Variants in YWHAZ observed in about 807,000 individuals in gnomAD.
The protein encoded by YWHAZ is tyrosine 3-monooxygenase/tryptophan 5-monooxygenase activation protein zeta.
For synonymous variants in YWHAZ, 87 were observed against 103.6 expected (o/e 0.84, Z 0.97); for missense variants, 79 against 284.8 (o/e 0.28, Z 5.20).
chr8:100,934,781 T>A (rs1255388333), intron 2 of YWHAZ: 1 of 152,146 alleles, frequency 6.6e-6, no homozygotes, highest in African/African-American at 2.4e-5. Context: ...AAGTATATGA[T>A]CCTTATTCTT....
chr8:100,930,408 T>TA (rs1429814325), intron 2 of YWHAZ, among the ~76,000 whole-genome samples: 1 of 152,222 alleles, frequency 6.6e-6, no homozygotes, highest in Non-Finnish European at 1.5e-5. Flanking sequence ...ACTCCAACTG[T>TA]AAAACAAGGG....
Position 100,918,373 on chromosome 8 carries a change from CCA to C in YWHAZ, c.*2318_*2319del, listed in dbSNP as rs1812793384. ...AAAAAAAAAAACAACAAAAAAATTC[CCA>C]CCTCTTCAGTCTAGCTATAAAATAT... On this transcript the variant is annotated 3_prime_UTR_variant, in exon 6 of 6. Coordinates refer to ENST00000395958, the MANE Select transcript of YWHAZ (RefSeq NM_145690.3). The C allele has an allele frequency of 8.4e-6, 1 of 118,688 alleles. No individual in the cohort carries two copies. The highest frequency in any genetic ancestry group is 9.9e-5 in the Admixed American group (1 of 10,080). 7.4% of individuals were successfully genotyped at this position (118,688 alleles called of 1,614,324 possible). A position where few individuals can be genotyped will look rare whatever the true frequency, so the allele number is the denominator to read the frequency against.
At chr8:100,921,948 T>A (rs548646941) in intron 5 of YWHAZ, among the ~76,000 whole-genome samples, 2 of 152,348 alleles carry the variant, frequency 1.3e-5, no homozygotes, top group Middle Eastern at 6.8e-3. Context: ...TTATTATTTT[T>A]ATATTCCCCA....
At chr8:100,936,761 C>T (rs958374009) in intron 2 of YWHAZ, among the ~76,000 whole-genome samples, 20 of 152,060 alleles carry the variant, frequency 1.3e-4, no homozygotes, top group African/African-American at 4.6e-4. Flanking sequence ...CAGGATAGCT[C>T]GCCACTGAAG....
rs1810488375 is a variant in YWHAZ at position 100,948,719 on chromosome 8, T to G, written c.171A>C (p.Ser57=). 2.5e-6 allele frequency: 4 copies of G among 1,600,596 alleles called. No individual in the cohort carries two copies. The South Asian group carries it at 3.3e-5, about 13-fold the overall frequency. The part of the protein sequence containing the change: ...AYKNVVGARR[S]SWRVVSSIEQ... Reference sequence around the variant, plus strand: ...CAATACTTGAGACGACCCTCCAAGATGACCTACGGGCTCCTACAACATTTT... The same window carrying G: ...CAATACTTGAGACGACCCTCCAAGAGGACCTACGGGCTCCTACAACATTTT... The change falls in exon 2 of 6, where the codon TCA becomes TCC. Residue 57 remains serine (S), a synonymous_variant. Transcript: ENST00000395958. The surrounding 1 kb of genome is among the most constrained non-coding windows in gnomAD (Gnocchi z 4.2).
chr8:100,949,546 G>A, intron 1 of YWHAZ, among the ~76,000 whole-genome samples: 1 of 151,976 alleles, frequency 6.6e-6, no homozygotes, highest in East Asian at 1.9e-4. Context: ...CCACCACAAA[G>A]GATCAATATC....
chr8:100,936,495 A>C (rs1814156139), intron 2 of YWHAZ, among the ~76,000 whole-genome samples: 1 of 152,120 alleles, frequency 6.6e-6, no homozygotes, highest in African/African-American at 2.4e-5. Flanking sequence ...CTCACCAAAA[A>C]CTGGCAACCT....
chr8:100,953,196 C>T (rs1810924540), upstream of YWHAZ: 1 of 985,266 alleles, frequency 1.0e-6, no homozygotes, highest in Non-Finnish European at 1.2e-6. Flanking sequence ...GGACCCGTTT[C>T]TCGTAGGCTA....
rs920990568 is a variant in YWHAZ, at chr8:100,922,185, C to T, written c.679-1433G>A. On this transcript the variant is annotated intron_variant, in intron 5 of 5. Coordinates refer to ENST00000395958, the MANE Select transcript of YWHAZ (RefSeq NM_145690.3). The surrounding 1 kb of genome is among the most constrained non-coding windows in gnomAD (Gnocchi z 4.1). ...TCTGTATAAACATGCAAATTTGATA[C>T]AAAATATTTCTTTTTCTAGAGTAAT... is the stretch of plus-strand genomic sequence containing the variant. Among the ~76,000 whole-genome samples the T allele has an allele frequency of 1.9e-4, 29 of 152,132 alleles. No individual in the cohort carries two copies. The highest frequency in any genetic ancestry group is 1.8e-3 in the Admixed American group (28 of 15,278).
At chr8:100,928,976 G>T (rs1813569114) in intron 2 of YWHAZ, among the ~76,000 whole-genome samples, 1 of 152,172 alleles carries the variant, frequency 6.6e-6, no homozygotes. Flanking sequence ...AACCTGCTCA[G>T]TGAATTCCCT....
At chr8:100,950,587 C>T (rs954252151) in intron 1 of YWHAZ, 32 of 985,588 alleles carry the variant, frequency 3.2e-5, no homozygotes, top group South Asian at 2.3e-4. Flanking sequence ...GCCCAACCTA[C>T]TGCAGAGTGT....
rs1040285402 is a variant in YWHAZ, at chr8:100,952,005, A to T, written c.-88T>A. 2.0e-6 allele frequency: 2 copies of T among 998,034 alleles called. No homozygotes were observed. Among genetic ancestry groups the T allele is most frequent in the Non-Finnish European group, 2.4e-6 (2 of 838,148 alleles). The allele number at this position is 998,034 out of a possible 1,614,324, so 61.8% of individuals were successfully genotyped here. ...GGCGGCGGCGGCGGCAGCAGCGGCG[A>T]GGCTGAGACTCTGTCCCTGGATCTC... On this transcript the variant is annotated 5_prime_UTR_variant, in exon 1 of 6. Coordinates refer to ENST00000395958, the MANE Select transcript of YWHAZ (RefSeq NM_145690.3).
At position 100,948,028 on chromosome 8, in the gene YWHAZ, T is replaced by C. The variant is rs1810435784; in HGVS notation, c.294+568A>G. ...CTCGATTCAAACTGGAAAATCAAGC[T>C]TGAGTTGTTCATAACCTTTCATCAT... On this transcript the variant is annotated intron_variant, in intron 2 of 5. Transcript: ENST00000395958. The surrounding 1 kb of genome is among the most constrained non-coding windows in gnomAD (Gnocchi z 4.2). 2 of 1,387,454 alleles carry C rather than the reference T, an allele frequency of 1.4e-6. No individual in the cohort carries two copies. The highest frequency in any genetic ancestry group is 4.4e-5 in the Admixed American group (2 of 45,822). 85.9% of individuals were successfully genotyped at this position (1,387,454 alleles called of 1,614,324 possible).
chr8:100,932,851 C>T (rs1168069047), intron 2 of YWHAZ, among the ~76,000 whole-genome samples: 2 of 151,950 alleles, frequency 1.3e-5, no homozygotes, highest in African/African-American at 4.8e-5. Context: ...AATAATGTTT[C>T]AGATTCAAGG....
intron 2 of YWHAZ, among the ~76,000 whole-genome samples, chr8:100,939,766 A>T (rs992983575): frequency 6.6e-6 from 1 of 152,214 alleles, no homozygotes. Context: ...TCATGCCTGT[A>T]ATCTCAGCAC....
chr8:100,951,419 G>T, intron 1 of YWHAZ: 3 of 981,476 alleles, frequency 3.1e-6, no homozygotes, highest in Non-Finnish European at 3.6e-6. Flanking sequence ...AGGGAAAGGA[G>T]GGGGCGGCCG....
At chr8:100,952,024 G>A, upstream of YWHAZ, 4 of 994,744 alleles carry the variant, frequency 4.0e-6, no homozygotes, top group Non-Finnish European at 4.8e-6. Context: ...CTCTGTCCCT[G>A]GATCTCGCTG....
intron 1 of YWHAZ, 48 bp downstream of exon 1, chr8:100,951,881 G>T: frequency 1.0e-6 from 1 of 990,624 alleles, no homozygotes; most frequent in Non-Finnish European, 1.2e-6. Context: ...CGTTCGGAAG[G>T]CTGGCCTGGG....
intron 2 of YWHAZ, among the ~76,000 whole-genome samples, chr8:100,928,606 G>A (rs1209931572): frequency 1.3e-5 from 2 of 151,816 alleles, no homozygotes; most frequent in East Asian, 2.0e-4. Context: ...GGTGGCACAC[G>A]CCTGGAATCC....
Sources: allele counts gnomAD v4.1 joint callset (sites outside exome capture counted in the v4.1 genomes callset), GRCh38; gene constraint gnomAD v4.1.1; non-coding constraint Gnocchi (gnomAD v3.1); transcripts MANE v1.5; gene names NCBI Gene and HGNC (gene_info 2026-07-23, HGNC 2026-07-21).